Variants in ULK4 observed in about 807,000 individuals in gnomAD.
ULK4 encodes unc-51 like kinase 4.
In ULK4, 133 loss-of-function variants were observed where a neutral mutation model predicts 160.6. The ratio of observed to expected loss-of-function variants is 0.83; its 90% CI spans 0.72 to 0.96. The LOEUF is 0.96. Among genes scored for constraint, ULK4 ranks in the 40% least tolerant of loss-of-function variants. The pLI, the probability that ULK4 is intolerant of heterozygous loss-of-function variation, is 0.00. For missense variants in ULK4, 1,580 were observed against 1,499.5 expected, an observed-to-expected ratio of 1.05 and a Z score of -0.89; for synonymous variants, 534 against 539.8, an observed-to-expected ratio of 0.99 and a Z score of 0.15.
chr3:41,675,026 G>T (rs765598115), intron 29 of ULK4, among the ~76,000 whole-genome samples: 1 of 152,160 alleles, frequency 6.6e-6, no homozygotes, highest in African/African-American at 2.4e-5. Flanking sequence ...CTGATCATGA[G>T]GTCAAGAGAT....
intron 30 of ULK4, among the ~76,000 whole-genome samples, chr3:41,653,886 C>G (rs1302444300): frequency 6.6e-6 from 1 of 152,202 alleles, no homozygotes; most frequent in Non-Finnish European, 1.5e-5. Flanking sequence ...AAAAGCTTTA[C>G]TGAATCCATA....
chr3:41,547,580 A>C (rs778442531), intron 32 of ULK4, among the ~76,000 whole-genome samples: 3 of 152,130 alleles, frequency 2.0e-5, no homozygotes, highest in Non-Finnish European at 4.4e-5. Context: ...AGCTGCCTGG[A>C]GTCCAGGCAA....
intron 33 of ULK4, among the ~76,000 whole-genome samples, chr3:41,456,109 C>T (rs959091549): frequency 1.3e-5 from 2 of 152,132 alleles, no homozygotes; most frequent in Non-Finnish European, 2.9e-5. Context: ...GGGGTTTTGC[C>T]ATGTTGGCCA....
chr3:41,845,695 ATC>A (rs746413148), intron 17 of ULK4, among the ~76,000 whole-genome samples: 2 of 152,264 alleles, frequency 1.3e-5, no homozygotes, highest in African/African-American at 4.8e-5. Context: ...TATACACAGG[ATC>A]TCTCTATTAT....
At chr3:41,774,397 C>T (rs1320798949) in intron 21 of ULK4, among the ~76,000 whole-genome samples, 3 of 150,766 alleles carry the variant, frequency 2.0e-5, no homozygotes, top group African/African-American at 7.5e-5. Context: ...ACAACCCCAT[C>T]ACAAAGTGGG....
chr3:41,483,604 A>G (rs1021716816), intron 32 of ULK4, among the ~76,000 whole-genome samples: 2 of 152,192 alleles, frequency 1.3e-5, no homozygotes, highest in African/African-American at 4.8e-5. Flanking sequence ...TAGAAGACTC[A>G]ATCCTCATTT....
chr3:41,824,108 A>G (rs991650152), intron 18 of ULK4, among the ~76,000 whole-genome samples: 5 of 149,680 alleles, frequency 3.3e-5, no homozygotes, highest in Middle Eastern at 3.2e-3. Context: ...GGTTGCAGTG[A>G]GCCAAGATTA....
chr3:41,273,274 G>A (rs751860409), intron 35 of ULK4, among the ~76,000 whole-genome samples: 28 of 152,048 alleles, frequency 1.8e-4, no homozygotes, highest in Non-Finnish European at 3.1e-4. Flanking sequence ...CTCAATCTAG[G>A]ACAAATTATT....
intron 35 of ULK4, among the ~76,000 whole-genome samples, chr3:41,259,163 T>C (rs1317389323): frequency 1.3e-5 from 2 of 151,690 alleles, no homozygotes; most frequent in East Asian, 3.9e-4. Context: ...GATAAATACA[T>C]AATTTTATGC....
intron 31 of ULK4, among the ~76,000 whole-genome samples, chr3:41,580,376 A>AT (rs554626822): frequency 0.017 from 2,487 of 147,482 alleles, 17 homozygotes; most frequent in African/African-American, 0.022. Flanking sequence ...CCAATTATTT[A>AT]TTTTTTTTTT....
intron 27 of ULK4, among the ~76,000 whole-genome samples, chr3:41,683,632 TTTCC>T (rs1027373159): frequency 6.6e-6 from 1 of 151,804 alleles, no homozygotes; most frequent in African/African-American, 2.4e-5. Context: ...CTTCTTCCTT[TTTCC>T]TTCCCTTCCT....
intron 32 of ULK4, among the ~76,000 whole-genome samples, chr3:41,492,631 G>C (rs1004528881): frequency 2.6e-5 from 4 of 151,330 alleles, no homozygotes. Flanking sequence ...ACACAGACTG[G>C]CAAATTGGAT....
At chr3:41,848,028 C>A (rs993639423) in intron 17 of ULK4, among the ~76,000 whole-genome samples, 1 of 152,100 alleles carries the variant, frequency 6.6e-6, no homozygotes, top group Non-Finnish European at 1.5e-5. Context: ...ACATCTGCAC[C>A]AAAATCAAAG....
intron 9 of ULK4, among the ~76,000 whole-genome samples, chr3:41,912,555 G>C (rs1698827024): frequency 6.6e-6 from 1 of 152,328 alleles, no homozygotes; most frequent in East Asian, 1.9e-4. Flanking sequence ...GAAGCCAGAT[G>C]TATTTGGTAA....
chr3:41,646,975 T>C (rs1283421335), intron 30 of ULK4, among the ~76,000 whole-genome samples: 1 of 152,250 alleles, frequency 6.6e-6, no homozygotes, highest in Non-Finnish European at 1.5e-5. Context: ...TTTCTTCCAG[T>C]TGATCGCATC....
At chr3:41,890,726 G>A (rs1283982447) in intron 16 of ULK4, among the ~76,000 whole-genome samples, 1 of 96,200 alleles carries the variant, frequency 1.0e-5, no homozygotes, top group Non-Finnish European at 2.1e-5. Flanking sequence ...GGAGGGACGG[G>A]AGGGAAGGAA....
intron 29 of ULK4, among the ~76,000 whole-genome samples, chr3:41,680,674 G>T (rs891737721): frequency 2.0e-5 from 3 of 151,998 alleles, no homozygotes; most frequent in Non-Finnish European, 4.4e-5. Flanking sequence ...GAGAACAGTG[G>T]GTCTTAAGAA....
At chr3:41,359,458 G>A (rs761307831) in intron 35 of ULK4, among the ~76,000 whole-genome samples, 1 of 152,234 alleles carries the variant, frequency 6.6e-6, no homozygotes, top group Non-Finnish European at 1.5e-5. Flanking sequence ...TGAGCTGAAC[G>A]GTCAGTGTGT....
chr3:41,847,786 T>C (rs2042106378), intron 17 of ULK4, among the ~76,000 whole-genome samples: 2 of 152,330 alleles, frequency 1.3e-5, no homozygotes, highest in Middle Eastern at 3.4e-3. Flanking sequence ...CTTTGGATGC[T>C]GTGTATTTGA....
Sources: allele counts gnomAD v4.1 joint callset (sites outside exome capture counted in the v4.1 genomes callset), GRCh38; gene constraint gnomAD v4.1.1; transcripts MANE v1.5; gene names NCBI Gene and HGNC (gene_info 2026-07-23, HGNC 2026-07-21).